MEF2D: variants seen among roughly 807,000 people sequenced by gnomAD.
MEF2D encodes the protein myocyte-specific enhancer factor 2D.
A neutral mutation model predicts 59.3 loss-of-function variants in MEF2D; 10 were observed. That is an observed-to-expected ratio of 0.17 (90% CI 0.10 to 0.29). The LOEUF (loss-of-function observed/expected upper bound fraction) is 0.29. MEF2D is among the 10% of genes least tolerant of loss of function. MEF2D has a pLI of 1.00. For synonymous variants in MEF2D, 305 were observed against 295.0 expected (o/e 1.03, Z -0.35); for missense variants, 508 against 699.4 (o/e 0.73, Z 3.09).
At chr1:156,474,105 C>T (rs1346955165) in intron 9 of MEF2D, among the ~76,000 whole-genome samples, 2 of 152,214 alleles carry the variant, frequency 1.3e-5, no homozygotes, top group African/African-American at 2.4e-5. Flanking sequence ...TGTCCTGTCT[C>T]GTCCTCAGGC....
intron 6 of MEF2D, among the ~76,000 whole-genome samples, chr1:156,477,730 C>A (rs539125918): frequency 5.3e-5 from 8 of 152,106 alleles, no homozygotes; most frequent in Non-Finnish European, 1.2e-4. Flanking sequence ...CTCCATTTGC[C>A]GTGAGCTGGG....
chr1:156,489,003 G>A (rs1295179757), intron 1 of MEF2D, among the ~76,000 whole-genome samples: 1 of 152,154 alleles, frequency 6.6e-6, no homozygotes, highest in Non-Finnish European at 1.5e-5. Flanking sequence ...AAACTACAGG[G>A]CATCTGCTTC....
chr1:156,477,643 G>C (rs900290860), intron 6 of MEF2D, among the ~76,000 whole-genome samples: 1 of 152,190 alleles, frequency 6.6e-6, no homozygotes, highest in African/African-American at 2.4e-5. Context: ...ACCAGGATGT[G>C]GAAGGGGTGG....
chr1:156,499,425 G>A (rs1048029509), intron 1 of MEF2D: 1 of 152,134 alleles, frequency 6.6e-6, no homozygotes, highest in South Asian at 2.1e-4. Context: ...CATTCAGAAG[G>A]GCAAACCTGG....
intron 1 of MEF2D, among the ~76,000 whole-genome samples, chr1:156,488,858 G>A (rs1672550095): frequency 6.6e-6 from 1 of 152,178 alleles, no homozygotes; most frequent in South Asian, 2.1e-4. Context: ...CCATGGAGCT[G>A]CAGGGGAATT....
At chr1:156,493,335 T>C (rs757712079) in intron 1 of MEF2D, among the ~76,000 whole-genome samples, 21 of 152,200 alleles carry the variant, frequency 1.4e-4, no homozygotes, top group Non-Finnish European at 2.8e-4. Context: ...AGAGACATCA[T>C]GACCTCGAGA....
Position 156,488,985 on chromosome 1 carries a change from G to A in MEF2D, c.-138-5555C>T, listed in dbSNP as rs1361398179. Among the ~76,000 whole-genome samples the A allele has an allele frequency of 2.6e-5, 4 of 152,080 alleles. No individual in the cohort carries two copies. In the East Asian group the frequency reaches 7.7e-4, roughly 29 times the overall value. On this transcript the variant is annotated intron_variant, in intron 1 of 11. Coordinates refer to ENST00000348159, the MANE Select transcript of MEF2D (RefSeq NM_005920.4). ...CTGTTCCCATCCTAGTGGTCCCAAGGCTCAAAGAAACTACAGGGCATCTGC... is the reference window on the plus strand; with the variant it reads ...CTGTTCCCATCCTAGTGGTCCCAAGACTCAAAGAAACTACAGGGCATCTGC...
At chr1:156,490,105 T>C (rs1227565610) in intron 1 of MEF2D, among the ~76,000 whole-genome samples, 1 of 152,070 alleles carries the variant, frequency 6.6e-6, no homozygotes, top group East Asian at 1.9e-4. Flanking sequence ...GTGGGGGGCA[T>C]TACCCCTCCG....
At chr1:156,480,682 G>A (rs958710729) in intron 4 of MEF2D, 152 bp downstream of exon 4, 9 of 1,579,046 alleles carry the variant, frequency 5.7e-6, no homozygotes, top group East Asian at 4.7e-5. Flanking sequence ...CAAACTCCTC[G>A]TCTATCTTTT....
rs1571212974 is a variant in MEF2D, at chr1:156,468,287, G to A, written c.1260C>T (p.Pro420=). 1 of 1,551,796 alleles carries A rather than the reference G, an allele frequency of 6.4e-7. No homozygotes were observed. The highest frequency in any genetic ancestry group is 2.3e-5 in the East Asian group (1 of 44,310). The change falls in exon 11 of 12, where the codon CCC becomes CCT. Residue 420 remains proline, a synonymous_variant. Coordinates refer to ENST00000348159, the MANE Select transcript of MEF2D (RefSeq NM_005920.4). The surrounding 1 kb of genome is among the most constrained non-coding windows in gnomAD (Gnocchi z 4.3). ...TGAGGGCAGCACCCACGTGGGGCAGGGGGCTGCCCGGGCTGGAGGCAGGCA... is the reference window on the plus strand; with the variant it reads ...TGAGGGCAGCACCCACGTGGGGCAGAGGGCTGCCCGGGCTGGAGGCAGGCA... ...VSLSNLIPGS[P]LPHVGAALTV... is the part of the protein sequence containing the mutation.
At chr1:156,495,616 A>G (rs1377895580) in intron 1 of MEF2D, among the ~76,000 whole-genome samples, 1 of 151,916 alleles carries the variant, frequency 6.6e-6, no homozygotes, top group Non-Finnish European at 1.5e-5. Flanking sequence ...GTGAGCCATG[A>G]TGGCACCACT....
Position 156,468,284 on chromosome 1 carries a change from C to A in MEF2D, c.1263G>T (p.Leu421=). Residue 421 remains leucine (L), a synonymous_variant, in exon 11 of 12, where the codon CTG becomes CTT. Transcript: ENST00000348159. This position sits in a 1 kb window ranked among gnomAD's most constrained non-coding sequence, Gnocchi z 4.3. ...CTGTGAGGGCAGCACCCACGTGGGG[C>A]AGGGGGCTGCCCGGGCTGGAGGCAG... ...SLSNLIPGSP[L]PHVGAALTVT... The A allele has an allele frequency of 1.9e-6, 3 of 1,558,768 alleles. No individual in the cohort carries two copies. Among genetic ancestry groups the A allele is most frequent in the East Asian group, 2.3e-5 (1 of 44,290 alleles).
rs367792291 is a variant in MEF2D, at chr1:156,474,455, CAA to C, written c.1006+651_1006+652del. Among the ~76,000 whole-genome samples, 423 of 152,164 alleles carry C rather than the reference CAA, an allele frequency of 2.8e-3. 11 individuals carry two copies. In the East Asian group the frequency reaches 0.075, roughly 27 times the overall value. ...CAAGAGTGAGACTACCTCAAAAAAA[CAA>C]AAACAACAAAAACCAATGCCTAGTT... On this transcript the variant is annotated intron_variant, in intron 9 of 11. Transcript: ENST00000348159.
At chr1:156,483,867 C>T (rs1672176179) in intron 1 of MEF2D, among the ~76,000 whole-genome samples, 1 of 152,226 alleles carries the variant, frequency 6.6e-6, no homozygotes, top group South Asian at 2.1e-4. Context: ...CAGTGAACAA[C>T]AAGCATGGTA....
intron 1 of MEF2D, among the ~76,000 whole-genome samples, chr1:156,499,767 T>G (rs1261298480): frequency 6.6e-6 from 1 of 152,090 alleles, no homozygotes; most frequent in Non-Finnish European, 1.5e-5. Flanking sequence ...TTGGGGTTAC[T>G]GACAAACCAC....
intron 1 of MEF2D, among the ~76,000 whole-genome samples, chr1:156,491,419 G>C (rs989914973): frequency 2.0e-5 from 3 of 152,228 alleles, no homozygotes; most frequent in South Asian, 4.1e-4. Context: ...GGCTGGGTCT[G>C]TCATCCTCCT....
At chr1:156,473,975 T>C (rs1571225160) in intron 9 of MEF2D, among the ~76,000 whole-genome samples, 1 of 152,098 alleles carries the variant, frequency 6.6e-6, no homozygotes, top group East Asian at 1.9e-4. Flanking sequence ...CCTTGTCTCT[T>C]TTCTCTTATT....
At chr1:156,485,569 G>C (rs1672306463) in intron 1 of MEF2D, among the ~76,000 whole-genome samples, 1 of 148,602 alleles carries the variant, frequency 6.7e-6, no homozygotes, top group Non-Finnish European at 1.5e-5. Flanking sequence ...TTAAGATAGG[G>C]TCTTGCTCTG....
chr1:156,479,050 G>C (rs962406439), intron 6 of MEF2D, among the ~76,000 whole-genome samples: 2 of 152,158 alleles, frequency 1.3e-5, no homozygotes, highest in Non-Finnish European at 2.9e-5. Flanking sequence ...AGAAATGCTG[G>C]CCCATTCTCA....
Sources: gnomAD v4.1 joint callset for allele counts (sites outside exome capture counted in the v4.1 genomes callset) on GRCh38, gnomAD v4.1.1 for gene constraint, Gnocchi (gnomAD v3.1) non-coding constraint, MANE v1.5 for transcripts, NCBI Gene and HGNC (gene_info 2026-07-23, HGNC 2026-07-21) for gene names.